Variants in CEP295NL observed in about 807,000 individuals in gnomAD.
The protein encoded by CEP295NL is CEP295 N-terminal like.
Under a neutral mutation model 4.6 loss-of-function variants are expected in CEP295NL, and 3 were observed. The ratio of observed to expected loss-of-function variants is 0.65; its 90% CI spans 0.30 to 1.69. The LOEUF (loss-of-function observed/expected upper bound fraction) is 1.69. CEP295NL is among the 40% of genes most tolerant of loss of function. The probability of loss-of-function intolerance (pLI) is 0.10; values close to 1 mark genes in which losing one functional copy is unlikely to be tolerated. For synonymous variants in CEP295NL, 295 were observed against 312.2 expected, an observed-to-expected ratio of 0.94 and a Z score of 0.58; for missense variants, 719 against 769.0, an observed-to-expected ratio of 0.93 and a Z score of 0.77.
At chr17:78,900,054 A>T (rs1168872484) in intron 2 of CEP295NL, 1 of 152,146 alleles carries the variant, frequency 6.6e-6, no homozygotes, top group Non-Finnish European at 1.5e-5. Context: ...CTTTGGGGGA[A>T]ATTTTGGATT....
chr17:78,898,183 C>G (rs12944916), intron 2 of CEP295NL: 5,847 of 152,336 alleles, frequency 0.038, 171 homozygotes, highest in Non-Finnish European at 0.054. Flanking sequence ...CGGCATTTCA[C>G]GTACACCTCT....
At chr17:78,894,518 G>A (rs149783029) in intron 2 of CEP295NL, among the ~76,000 whole-genome samples, 1 of 152,178 alleles carries the variant, frequency 6.6e-6, no homozygotes, top group East Asian at 1.9e-4. Context: ...TGAGATTTTT[G>A]ACAAAGGTGC....
intron 2 of CEP295NL, among the ~76,000 whole-genome samples, chr17:78,893,336 C>T (rs1171761154): frequency 8.9e-6 from 1 of 112,370 alleles, no homozygotes; most frequent in African/African-American, 3.6e-5. Flanking sequence ...TGTCTCCATG[C>T]ATGTGTGTGC....
chr17:78,892,980 A>T (rs567799674), intron 2 of CEP295NL, among the ~76,000 whole-genome samples: 97 of 152,252 alleles, frequency 6.4e-4, no homozygotes, highest in East Asian at 7.7e-4. Context: ...TAAAAGAGGA[A>T]GTCTGGGCCT....
At chr17:78,900,544 C>A (rs367850498) in intron 2 of CEP295NL, among the ~76,000 whole-genome samples, 14 of 145,140 alleles carry the variant, frequency 9.6e-5, no homozygotes, top group African/African-American at 1.0e-4. Flanking sequence ...GACTCCATTT[C>A]AAAAAAAAAA....
Position 78,890,760 on chromosome 17 carries a change from C to T in CEP295NL, c.1744G>A (p.Asp582Asn), listed in dbSNP as rs749824611. ...TSPSGTSLADDDRHSQMIRDQ... is the reference protein window; with the variant it reads ...TSPSGTSLADNDRHSQMIRDQ... ...CGGATCATCTGACTGTGCCGGTCGT[C>T]GTCGGCGAGGCTGGTGCCCGATGGG... Residue 582 changes from aspartate (D) to asparagine (N), a missense_variant, in exon 3 of 3, where the codon GAC (aspartate) becomes AAC (asparagine). Coordinates refer to ENST00000322630, the MANE Select transcript of CEP295NL (RefSeq NM_001243540.2). 37 of 1,550,514 alleles carry T rather than the reference C, an allele frequency of 2.4e-5. No individual in the cohort carries two copies. The highest frequency in any genetic ancestry group is 5.5e-5 in the African/African-American group (4 of 73,020).
chr17:78,892,003 C>T lies in CEP295NL; in HGVS notation c.501G>A (p.Lys167=), dbSNP rs564686703. Reference sequence around the variant, plus strand: ...CACTAAGGGCTGCTCTATGCTTCTCCTTGGCCCTCGGGGGCCTGGCTGATC... The same window carrying T: ...CACTAAGGGCTGCTCTATGCTTCTCTTTGGCCCTCGGGGGCCTGGCTGATC... ...QRRSARPPRA[K]EKHRAALSEE... The change falls in exon 3 of 3, where the codon AAG becomes AAA. Residue 167 remains lysine, a synonymous_variant. Coordinates refer to ENST00000322630, the MANE Select transcript of CEP295NL (RefSeq NM_001243540.2). 1,148 of 1,550,762 alleles carry T rather than the reference C, an allele frequency of 7.4e-4. 15 individuals carry two copies. In the South Asian group the frequency reaches 0.013, roughly 17 times the overall value.
At position 78,901,984 on chromosome 17, in the gene CEP295NL, G is replaced by GT. The variant is rs1325804312; in HGVS notation, c.-98-59dup. The GT allele has an allele frequency of 5.1e-6, 3 of 587,582 alleles. No homozygotes were observed. The African/African-American group carries it at 5.7e-5, about 11-fold the overall frequency. The allele number at this position is 587,582 out of a possible 1,614,324, so 36.4% of individuals were successfully genotyped here. On this transcript the variant is annotated intron_variant, in intron 1 of 2. Transcript: ENST00000322630. ...AAACATCAGAAACATTTTTAACTCC[G>GT]TTTCTCTGAGTTCTAGCCTCTAAAA...
Position 78,892,305 on chromosome 17 carries a change from G to A in CEP295NL, c.199C>T (p.Leu67Phe). The A allele has an allele frequency of 6.4e-7, 1 of 1,550,684 alleles. No individual in the cohort carries two copies. The highest frequency in any genetic ancestry group is 8.7e-7 in the Non-Finnish European group (1 of 1,147,028). Residue 67 changes from leucine (L) to phenylalanine (F), a missense_variant, in exon 3 of 3, where the codon CTC becomes TTC. Coordinates refer to ENST00000322630, the MANE Select transcript of CEP295NL (RefSeq NM_001243540.2). ...AGCAGGTCTTCGTTATCAGGACAGAGGCTCAGCCACATGGCTCCATCCATG... is the reference window on the plus strand; with the variant it reads ...AGCAGGTCTTCGTTATCAGGACAGAAGCTCAGCCACATGGCTCCATCCATG... ...RNMDGAMWLS[L>F]CPDNEDLLWR...
chr17:78,891,576 G>A lies in CEP295NL; in HGVS notation c.928C>T (p.Gln310Ter), dbSNP rs117232607. The stretch of plus-strand genomic sequence containing the variant: ...CAGCTGGAATCAGCTGGCCACAGCT[G>A]CCCGAGGTCTCTCAGCTTCCCCTCC... ...SLEGKLRDLG[Q>*]LWPADSSCRR... Residue 310 changes from glutamine (Q) to a stop codon, truncating the protein, a stop_gained, in exon 3 of 3, where the codon CAG becomes TAG. Transcript: ENST00000322630. LOFTEE classifies it low-confidence loss of function (END_TRUNC). This position sits in a 1 kb window ranked among gnomAD's most constrained non-coding sequence, Gnocchi z 4.5. 2,455 of 1,550,864 alleles carry A rather than the reference G, an allele frequency of 1.6e-3. 59 individuals are homozygous for A. In the East Asian group the frequency reaches 0.047, roughly 30 times the overall value.
Position 78,891,319 on chromosome 17 carries a change from C to T in CEP295NL, c.1185G>A (p.Met395Ile). 6.4e-7 allele frequency: 1 copy of T among 1,550,414 alleles called. No homozygotes were observed. Among genetic ancestry groups the T allele is most frequent in the East Asian group, 2.4e-5 (1 of 40,914 alleles). Residue 395 changes from methionine (M) to isoleucine (I), a missense_variant, in exon 3 of 3, where the codon ATG (methionine) becomes ATA (isoleucine). Physicochemically the swap from Met to Ile is conservative, Grantham distance 10. Coordinates refer to ENST00000322630, the MANE Select transcript of CEP295NL (RefSeq NM_001243540.2). The surrounding 1 kb of genome is among the most constrained non-coding windows in gnomAD (Gnocchi z 4.5). ...CGAGTPRGKK[M>I]ADPEMLPAGE... Reference sequence around the variant, plus strand: ...CGGCAGGCAGCATCTCTGGGTCTGCCATTTTCTTCCCTCTTGGGGTCCCAG... The same window carrying T: ...CGGCAGGCAGCATCTCTGGGTCTGCTATTTTCTTCCCTCTTGGGGTCCCAG...
At chr17:78,897,102 C>T (rs75711045) in intron 2 of CEP295NL, 7 of 566,894 alleles carry the variant, frequency 1.2e-5, no homozygotes, top group South Asian at 7.6e-5. Flanking sequence ...AGCACCCCCC[C>T]GCCCCCCGCC....
chr17:78,897,820 T>G (rs1387929753), intron 2 of CEP295NL: 1 of 152,206 alleles, frequency 6.6e-6, no homozygotes, highest in African/African-American at 2.4e-5. Context: ...CTAGAGTCAC[T>G]GCAACATGAT....
Position 78,896,735 on chromosome 17 carries a change from G to A in CEP295NL, c.45-4276C>T, listed in dbSNP as rs146240775. Reference sequence around the variant, plus strand: ...GCGCTCGGAGCAGCAGAAGGAAGGCGAGTGGACACCAATCTGGCCTCCGGA... The same window carrying A: ...GCGCTCGGAGCAGCAGAAGGAAGGCAAGTGGACACCAATCTGGCCTCCGGA... On this transcript the variant is annotated intron_variant, in intron 2 of 2. Transcript: ENST00000322630. The surrounding 1 kb of genome is among the most constrained non-coding windows in gnomAD (Gnocchi z 4.4). Among the ~76,000 whole-genome samples, 1,175 of 152,240 alleles carry A rather than the reference G, an allele frequency of 7.7e-3. 14 individuals are homozygous for A. The highest frequency in any genetic ancestry group is 0.027 in the African/African-American group (1,129 of 41,530).
At position 78,890,709 on chromosome 17, in the gene CEP295NL, G is replaced by A; in HGVS notation, c.1795C>T (p.Gln599Ter). Reference protein sequence around the residue: ...IRDQQQQILQQNRLHKQFLEE... With the variant: ...IRDQQQQILQ ...AGAAACTGCTTGTGCAACCTGTTTT[G>A]CTGTAAGATCTGCTGCTGCTGGTCT... Residue 599 changes from glutamine (Q) to a stop codon, truncating the protein, a stop_gained, in exon 3 of 3, where the codon CAA (glutamine) becomes TAA (stop). Transcript: ENST00000322630. LOFTEE classifies it high-confidence loss of function. 6.4e-7 allele frequency: 1 copy of A among 1,550,588 alleles called. No individual in the cohort carries two copies. Among genetic ancestry groups the A allele is most frequent in the Non-Finnish European group, 8.7e-7 (1 of 1,146,980 alleles).
At chr17:78,892,892 A>G (rs1356629571) in intron 2 of CEP295NL, among the ~76,000 whole-genome samples, 1 of 152,160 alleles carries the variant, frequency 6.6e-6, no homozygotes, top group East Asian at 1.9e-4. Context: ...CCAAAGGGCA[A>G]GGGTTAGGAT....
rs533522749 is a variant in CEP295NL at position 78,890,763 on chromosome 17, C to T, written c.1741G>A (p.Asp581Asn). ...TTSPSGTSLA[D>N]DDRHSQMIRD... ...ATCATCTGACTGTGCCGGTCGTCGTCGGCGAGGCTGGTGCCCGATGGGGAA... is the reference window on the plus strand; with the variant it reads ...ATCATCTGACTGTGCCGGTCGTCGTTGGCGAGGCTGGTGCCCGATGGGGAA... The change falls in exon 3 of 3, where the codon GAC (aspartate) becomes AAC (asparagine). Residue 581 changes from aspartate to asparagine, a missense_variant. Asp to Asn is a conservative substitution (Grantham distance 23). Coordinates refer to ENST00000322630, the MANE Select transcript of CEP295NL (RefSeq NM_001243540.2). The T allele has an allele frequency of 2.7e-4, 426 of 1,550,642 alleles. 5 individuals are homozygous for T. In the South Asian group the frequency reaches 4.4e-3, roughly 16 times the overall value.
intron 2 of CEP295NL, among the ~76,000 whole-genome samples, chr17:78,900,362 G>A (rs1020024728): frequency 1.3e-5 from 2 of 152,026 alleles, no homozygotes; most frequent in Non-Finnish European, 2.9e-5. Flanking sequence ...CCTGACCAAC[G>A]TGGTGAAACC....
rs1233451159 is a variant in CEP295NL at position 78,890,788 on chromosome 17, A to G, written c.1716T>C (p.Thr572=). 1 of 1,550,420 alleles carries G rather than the reference A, an allele frequency of 6.4e-7. No homozygotes were observed. Among genetic ancestry groups the G allele is most frequent in the Non-Finnish European group, 8.7e-7 (1 of 1,147,004 alleles). The part of the protein sequence containing the change: ...ERERGSELST[T]SPSGTSLADD... ...CGGCGAGGCTGGTGCCCGATGGGGAAGTGGTGCTGAGCTCAGATCCTCTCT... is the reference window on the plus strand; with the variant it reads ...CGGCGAGGCTGGTGCCCGATGGGGAGGTGGTGCTGAGCTCAGATCCTCTCT... Residue 572 remains threonine, a synonymous_variant, in exon 3 of 3, where the codon ACT becomes ACC. Transcript: ENST00000322630.
Sources: allele counts gnomAD v4.1 joint callset (sites outside exome capture counted in the v4.1 genomes callset), GRCh38; gene constraint gnomAD v4.1.1; non-coding constraint Gnocchi (gnomAD v3.1); transcripts MANE v1.5; gene names NCBI Gene and HGNC (gene_info 2026-07-23, HGNC 2026-07-21).